Variants in ESRRG observed in about 807,000 individuals in gnomAD.
ESRRG encodes the protein estrogen-related receptor gamma.
A neutral mutation model predicts 44.0 loss-of-function variants in ESRRG; 13 were observed. That is an observed-to-expected ratio of 0.30 (90% CI 0.19 to 0.47). The LOEUF is 0.47. Ranked by LOEUF, ESRRG falls within the 20% of genes least tolerant of loss-of-function variation. The pLI is 1.00. For missense variants in ESRRG, 395 were observed against 580.6 expected (o/e 0.68, Z 3.29); for synonymous variants, 215 against 214.6 (o/e 1.00, Z -0.02).
chr1:216,794,189 T>C (rs1479717164), intron 2 of ESRRG, among the ~76,000 whole-genome samples: 2 of 152,036 alleles, frequency 1.3e-5, no homozygotes, highest in Non-Finnish European at 2.9e-5. Flanking sequence ...ACCTAAGACA[T>C]GACAGCATGA....
chr1:217,060,507 A>C (rs931027589), intron 1 of ESRRG, among the ~76,000 whole-genome samples: 4 of 152,122 alleles, frequency 2.6e-5, no homozygotes. Context: ...TTAAGATGAG[A>C]GAGCCAAAGA....
chr1:216,614,982 A>G (rs954984170), intron 3 of ESRRG, among the ~76,000 whole-genome samples: 2 of 152,210 alleles, frequency 1.3e-5, no homozygotes, highest in African/African-American at 4.8e-5. Flanking sequence ...TAATTATATA[A>G]TCTGCTAGGT....
chr1:216,572,128 A>C lies in ESRRG; in HGVS notation c.590-4030T>G, dbSNP rs573171997. Among the ~76,000 whole-genome samples, 8 of 152,280 alleles carry C rather than the reference A, an allele frequency of 5.3e-5. 2 individuals are homozygous for C. The East Asian group carries it at 1.5e-3, about 29-fold the overall frequency. Reference sequence around the variant, plus strand: ...TGTCTTCTATGCATTGTCTAGTAGGATGATGATCTTATTATTGGTATTATT... The same window carrying C: ...TGTCTTCTATGCATTGTCTAGTAGGCTGATGATCTTATTATTGGTATTATT... On this transcript the variant is annotated intron_variant, in intron 3 of 6. Coordinates refer to ENST00000408911, the MANE Select transcript of ESRRG (RefSeq NM_001438.4).
intron 2 of ESRRG, among the ~76,000 whole-genome samples, chr1:216,747,499 C>T (rs570205746): frequency 6.6e-6 from 1 of 152,258 alleles, no homozygotes; most frequent in East Asian, 1.9e-4. Context: ...CCCCTATGCC[C>T]AGCAACACAG....
At chr1:216,979,376 T>C (rs1181202152) in intron 1 of ESRRG, among the ~76,000 whole-genome samples, 1 of 152,146 alleles carries the variant, frequency 6.6e-6, no homozygotes, top group Non-Finnish European at 1.5e-5. Context: ...TATGCATTTA[T>C]CTCTCTTCCA....
At chr1:216,777,116 C>T (rs2147732534) in intron 2 of ESRRG, among the ~76,000 whole-genome samples, 1 of 152,248 alleles carries the variant, frequency 6.6e-6, no homozygotes, top group South Asian at 2.1e-4. Flanking sequence ...ATGGGGCTTG[C>T]CTACCCAGGC....
At chr1:216,961,565 T>TA (rs1197169023) in intron 1 of ESRRG, among the ~76,000 whole-genome samples, 7 of 151,372 alleles carry the variant, frequency 4.6e-5, no homozygotes, top group Middle Eastern at 3.4e-3. Context: ...ACTCTTATTT[T>TA]TTTTTTTTTT....
chr1:216,709,694 TAA>T (rs57685688), intron 1 of ESRRG, among the ~76,000 whole-genome samples: 2 of 148,292 alleles, frequency 1.3e-5, no homozygotes, highest in African/African-American at 4.9e-5. Flanking sequence ...AGTGCTGATT[TAA>T]AAAAAAAAAT....
intron 1 of ESRRG, among the ~76,000 whole-genome samples, chr1:217,125,593 A>G (rs140532418): frequency 7.0e-4 from 106 of 152,304 alleles, no homozygotes; most frequent in African/African-American, 2.5e-3. Flanking sequence ...TATTTGACAA[A>G]TTAATGAATA....
chr1:216,686,089 G>A lies in ESRRG; in HGVS notation c.57-8598C>T, dbSNP rs1275851127. The A allele has an allele frequency of 2.0e-5, 3 of 152,160 alleles. No individual in the cohort carries two copies. The East Asian group carries it at 5.8e-4, about 29-fold the overall frequency. The allele number at this position is 152,160 out of a possible 1,614,324, so 9.4% of individuals were successfully genotyped here. On this transcript the variant is annotated intron_variant, in intron 1 of 6. Transcript: ENST00000408911. ...CTATATTTATATTTTTACCTTAATA[G>A]CTTAGTCTGCAGTAGTTAACATCTG...
At chr1:216,603,088 A>G (rs903280962) in intron 3 of ESRRG, among the ~76,000 whole-genome samples, 2 of 152,214 alleles carry the variant, frequency 1.3e-5, no homozygotes, top group South Asian at 4.1e-4. Context: ...ACTGATCAGA[A>G]TACCACATTA....
intron 2 of ESRRG, among the ~76,000 whole-genome samples, chr1:216,870,142 A>G (rs1394974218): frequency 6.6e-6 from 1 of 152,048 alleles, no homozygotes; most frequent in Non-Finnish European, 1.5e-5. Context: ...GACTTTATCA[A>G]GATGAAGAAG....
chr1:216,776,473 G>A (rs990976957), intron 2 of ESRRG, among the ~76,000 whole-genome samples: 32 of 152,028 alleles, frequency 2.1e-4, no homozygotes, highest in African/African-American at 7.2e-4. Context: ...CCTGTTCATG[G>A]GTCTGCATTC....
chr1:217,111,396 C>G (rs1251365936), intron 1 of ESRRG, among the ~76,000 whole-genome samples: 1 of 152,124 alleles, frequency 6.6e-6, no homozygotes, highest in Non-Finnish European at 1.5e-5. Context: ...CTGAGTCCTG[C>G]AGGAGACTAT....
At chr1:217,064,852 G>A (rs1325497046) in intron 1 of ESRRG, among the ~76,000 whole-genome samples, 2 of 152,080 alleles carry the variant, frequency 1.3e-5, no homozygotes, top group Non-Finnish European at 2.9e-5. Context: ...CCCTACCCTG[G>A]TTATGCTAGA....
At chr1:216,657,933 G>T (rs1436074845) in intron 2 of ESRRG, among the ~76,000 whole-genome samples, 3 of 152,146 alleles carry the variant, frequency 2.0e-5, no homozygotes, top group Non-Finnish European at 4.4e-5. Context: ...TATATAAGAG[G>T]CATACAGCAT....
intron 1 of ESRRG, among the ~76,000 whole-genome samples, chr1:217,115,713 C>T (rs1158758286): frequency 6.6e-6 from 1 of 152,122 alleles, no homozygotes; most frequent in Non-Finnish European, 1.5e-5. Context: ...ATCCAGATTT[C>T]ACCCTCCCAT....
chr1:216,924,092 A>T (rs1253029624), intron 2 of ESRRG, among the ~76,000 whole-genome samples: 1 of 152,158 alleles, frequency 6.6e-6, no homozygotes, highest in Non-Finnish European at 1.5e-5. Flanking sequence ...GGAGTGAGCA[A>T]GTGGATCCAG....
intron 5 of ESRRG, among the ~76,000 whole-genome samples, chr1:216,537,756 C>G (rs1216371174): frequency 6.6e-6 from 1 of 152,058 alleles, no homozygotes; most frequent in Non-Finnish European, 1.5e-5. Context: ...ATGGAGAACA[C>G]ATTATTCTCT....
Sources: gnomAD v4.1 joint callset for allele counts (sites outside exome capture counted in the v4.1 genomes callset) on GRCh38, gnomAD v4.1.1 for gene constraint, MANE v1.5 for transcripts, NCBI Gene and HGNC (gene_info 2026-07-23, HGNC 2026-07-21) for gene names.